Variants in DCAF6 observed in about 807,000 individuals in gnomAD.
The protein encoded by DCAF6 is DDB1 and CUL4 associated factor 6, also known as DDB1- and CUL4-associated factor 6.
DCAF6 carries 54 observed loss-of-function variants against 125.1 expected under a neutral mutation model. The ratio of observed to expected loss-of-function variants is 0.43; its 90% CI spans 0.35 to 0.54. DCAF6 has a LOEUF of 0.54. Ranked by LOEUF, DCAF6 falls within the 20% of genes least tolerant of loss-of-function variation. DCAF6 has a pLI of 0.01. For synonymous variants in DCAF6, 371 were observed against 390.4 expected, an observed-to-expected ratio of 0.95 and a Z score of 0.58; for missense variants, 934 against 1,161.7, an observed-to-expected ratio of 0.80 and a Z score of 2.85.
intron 2 of DCAF6, among the ~76,000 whole-genome samples, chr1:167,955,683 C>T (rs774958943): frequency 1.3e-5 from 2 of 151,488 alleles, no homozygotes; most frequent in Admixed American, 6.6e-5. Context: ...CCTTTTATTT[C>T]GTTTTCTTGA....
At chr1:167,999,728 A>G (rs1231223632) in intron 7 of DCAF6, among the ~76,000 whole-genome samples, 3 of 152,150 alleles carry the variant, frequency 2.0e-5, no homozygotes, top group Non-Finnish European at 2.9e-5. Context: ...CATAGCTTTA[A>G]AGAGATTTAG....
chr1:167,942,005 C>T (rs1359708958), intron 1 of DCAF6, among the ~76,000 whole-genome samples: 1 of 152,180 alleles, frequency 6.6e-6, no homozygotes, highest in Non-Finnish European at 1.5e-5. Flanking sequence ...TGTAGTGAGT[C>T]TTCCTAATTG....
chr1:168,040,374 G>A (rs962963344), intron 13 of DCAF6, among the ~76,000 whole-genome samples: 9 of 151,928 alleles, frequency 5.9e-5, no homozygotes, highest in African/African-American at 2.2e-4. Flanking sequence ...TCTGGTTATT[G>A]TGTTGAGCAT....
At chr1:168,015,666 C>T in intron 10 of DCAF6, 115 bp from the exon 11 acceptor site, 4 of 914,228 alleles carry the variant, frequency 4.4e-6, no homozygotes, top group Non-Finnish European at 6.1e-6. Flanking sequence ...TATAGTATTC[C>T]TCTATGAGAC....
chr1:167,943,744 T>C (rs189297265), intron 1 of DCAF6, among the ~76,000 whole-genome samples: 5 of 152,334 alleles, frequency 3.3e-5, no homozygotes, highest in Admixed American at 2.6e-4. Context: ...AACACACTTA[T>C]GAGTCAGAAC....
At chr1:167,928,718 G>A in the DCAF6 span, among the ~76,000 whole-genome samples, 1 of 152,276 alleles carries the variant, frequency 6.6e-6, no homozygotes, top group East Asian at 1.9e-4. Context: ...TCATAGGAGA[G>A]CATAAAAATA....
intron 12 of DCAF6, 52 bp from the exon 13 acceptor site, chr1:168,038,319 T>A (rs1436704221): frequency 5.2e-6 from 7 of 1,346,736 alleles, no homozygotes; most frequent in Non-Finnish European, 6.3e-6. Context: ...GGAAATGTCA[T>A]CTTTTTACTG....
At chr1:168,037,968 A>G (rs570776158) in intron 12 of DCAF6, among the ~76,000 whole-genome samples, 65 of 152,216 alleles carry the variant, frequency 4.3e-4, no homozygotes, top group Non-Finnish European at 7.4e-4. Flanking sequence ...TGTATCTTAC[A>G]TCTCAGTGTT....
chr1:167,924,491 A>G, the DCAF6 span: 1,813 of 1,592,690 alleles, frequency 1.1e-3, no homozygotes, highest in Non-Finnish European at 1.3e-3. Context: ...AAAACTCAAG[A>G]CTTACCCATT....
the DCAF6 span, among the ~76,000 whole-genome samples, chr1:167,922,070 T>C: frequency 1.3e-5 from 2 of 152,172 alleles, no homozygotes; most frequent in African/African-American, 4.8e-5. Context: ...CTGTTATGTG[T>C]CATGTATAGA....
intron 1 of DCAF6, among the ~76,000 whole-genome samples, chr1:167,950,680 T>C (rs559351064): frequency 9.9e-4 from 151 of 152,314 alleles, no homozygotes; most frequent in African/African-American, 3.6e-3. Context: ...GATACAATTT[T>C]ATGAGAGATC....
chr1:167,971,524 C>T (rs1677303181), intron 3 of DCAF6, among the ~76,000 whole-genome samples: 1 of 152,134 alleles, frequency 6.6e-6, no homozygotes, highest in African/African-American at 2.4e-5. Context: ...AAACCATCCT[C>T]TACTATTTGG....
At chr1:168,002,614 T>C (rs1682802171) in intron 8 of DCAF6, 39 bp downstream of exon 8, 1 of 1,485,134 alleles carries the variant, frequency 6.7e-7, no homozygotes, top group African/African-American at 1.4e-5. Context: ...GTATATGGTA[T>C]TTTAAAATTA....
chr1:168,039,663 AATTAATATATTAATAT>A, intron 13 of DCAF6, among the ~76,000 whole-genome samples: 1 of 147,608 alleles, frequency 6.8e-6, no homozygotes, highest in African/African-American at 2.5e-5. Context: ...AATTATTCAT[AATTAATATATTAATAT>A]ATTAATATAT....
chr1:168,073,112 G>C (rs1318071807), intron 21 of DCAF6, among the ~76,000 whole-genome samples: 4 of 152,054 alleles, frequency 2.6e-5, no homozygotes, highest in Admixed American at 6.6e-5. Context: ...GGAGGCGGAG[G>C]TTGCAGTGAG....
In DCAF6 at chr1:168,033,304, CTT is replaced by C. The variant is rs200401545; in HGVS notation, c.1610-5046_1610-5045del. ...CTCTAGTAGCATTTCTGAAAAGGAT[CTT>C]TTTTTTTTTTTTTTTTTTTTGAGAC... is the stretch of plus-strand genomic sequence containing the variant. On this transcript the variant is annotated intron_variant, in intron 12 of 21. Coordinates refer to ENST00000367840, the MANE Select transcript of DCAF6 (RefSeq NM_001198956.2). Among the ~76,000 whole-genome samples the C allele has an allele frequency of 9.2e-3, 1,100 of 119,612 alleles. 7 individuals carry two copies. Among genetic ancestry groups the C allele is most frequent in the African/African-American group, 0.033 (994 of 29,756 alleles). The allele number at this position is 119,612 out of a possible 152,430, so 78.5% of individuals were successfully genotyped here.
chr1:167,950,346 CGAAAATCAGATTT>C (rs1444893477), intron 1 of DCAF6, among the ~76,000 whole-genome samples: 4 of 151,960 alleles, frequency 2.6e-5, no homozygotes, highest in African/African-American at 4.8e-5. Context: ...TTTTTACAAG[CGAAAATCAGATTT>C]GAAAAGTTAA....
chr1:168,032,584 C>T (rs1243761547), intron 12 of DCAF6, among the ~76,000 whole-genome samples: 1 of 152,086 alleles, frequency 6.6e-6, no homozygotes, highest in African/African-American at 2.4e-5. Flanking sequence ...GAATATTTCA[C>T]CATATGTTTT....
intron 5 of DCAF6, 41 bp from the exon 6 acceptor site, chr1:167,991,163 T>C: frequency 6.6e-7 from 1 of 1,523,252 alleles, no homozygotes; most frequent in Non-Finnish European, 8.9e-7. Flanking sequence ...TCACCTCTGC[T>C]GTATAACTAT....
Sources: allele counts gnomAD v4.1 joint callset (sites outside exome capture counted in the v4.1 genomes callset), GRCh38; gene constraint gnomAD v4.1.1; transcripts MANE v1.5; gene names NCBI Gene and HGNC (gene_info 2026-07-23, HGNC 2026-07-21).